Variants in SLC39A11 observed in about 807,000 individuals in gnomAD.
SLC39A11 encodes solute carrier family 39 member 11.
A neutral mutation model predicts 36.1 loss-of-function variants in SLC39A11; 33 were observed. That is an observed-to-expected ratio of 0.91 (90% CI 0.69 to 1.22). The LOEUF (loss-of-function observed/expected upper bound fraction) is 1.22, where lower values mean the gene tolerates loss of function less well. Ranked by LOEUF, SLC39A11 falls within the 50% of genes most tolerant of loss-of-function variation. SLC39A11 has a pLI of 0.00. For synonymous variants in SLC39A11, 166 were observed against 170.3 expected (o/e 0.97, Z 0.20); for missense variants, 432 against 430.3 (o/e 1.00, Z -0.03).
At chr17:72,860,069 AAC>A (rs2079893526) in intron 5 of SLC39A11, among the ~76,000 whole-genome samples, 1 of 150,098 alleles carries the variant, frequency 6.7e-6, no homozygotes, top group Non-Finnish European at 1.5e-5. Flanking sequence ...AAAGAAAGAG[AAC>A]ACAAATCAAA....
At chr17:72,855,625 G>C (rs369714402) in intron 5 of SLC39A11, among the ~76,000 whole-genome samples, 1 of 152,178 alleles carries the variant, frequency 6.6e-6, no homozygotes, top group South Asian at 2.1e-4. Flanking sequence ...GGCCGGGTGC[G>C]GTGGCTCACG....
chr17:72,750,263 C>T (rs1228169174), intron 6 of SLC39A11, among the ~76,000 whole-genome samples: 2 of 152,094 alleles, frequency 1.3e-5, no homozygotes, highest in African/African-American at 2.4e-5. Context: ...AGTCTGGGTC[C>T]CAGGTTGGAC....
intron 6 of SLC39A11, among the ~76,000 whole-genome samples, chr17:72,801,527 G>A (rs1053212013): frequency 1.6e-4 from 25 of 152,162 alleles, no homozygotes; most frequent in African/African-American, 5.1e-4. Context: ...GCGCCCAGCC[G>A]GGCAATGAAA....
intron 7 of SLC39A11, among the ~76,000 whole-genome samples, chr17:72,709,771 C>T (rs1420031527): frequency 1.3e-5 from 2 of 152,166 alleles, no homozygotes; most frequent in Admixed American, 1.3e-4. Context: ...TGCTGATCAA[C>T]CTGAACTTAA....
intron 4 of SLC39A11, among the ~76,000 whole-genome samples, chr17:72,987,088 C>T (rs1166231647): frequency 1.3e-5 from 2 of 152,152 alleles, no homozygotes; most frequent in East Asian, 1.9e-4. Flanking sequence ...CAGTAATGTG[C>T]GAGTTCTCAC....
In SLC39A11 at chr17:72,971,676, C is replaced by T. The variant is rs549268187; in HGVS notation, c.307-23801G>A. On this transcript the variant is annotated intron_variant, in intron 4 of 9. Coordinates refer to ENST00000255559, the MANE Select transcript of SLC39A11 (RefSeq NM_139177.4). ...CCTGGCTGTCCCAGCTGGGGCCGGG[C>T]CGCCCCCCAGGAGGACTACCAAACT... Among the ~76,000 whole-genome samples the T allele has an allele frequency of 1.2e-4, 19 of 152,308 alleles. No individual in the cohort carries two copies. In the East Asian group the frequency reaches 3.5e-3, roughly 28 times the overall value.
chr17:72,648,808 C>T lies in SLC39A11; in HGVS notation c.924G>A (p.Gln308=). ...GGGAGGGAAGGTTCTCCAACCTGAT[C>T]TGGGCTTCGGGGATGATGTCGTCCA... ...VVMDDIIPEA[Q]ISGNGKLASW... is the part of the protein sequence containing the mutation. Residue 308 remains glutamine (Q), a synonymous_variant, in exon 9 of 10, where the codon CAG becomes CAA. Transcript: ENST00000255559. The T allele has an allele frequency of 6.2e-7, 1 of 1,614,184 alleles. No homozygotes were observed. The highest frequency in any genetic ancestry group is 8.5e-7 in the Non-Finnish European group (1 of 1,180,036).
chr17:72,689,933 T>G (rs192620691), intron 7 of SLC39A11, among the ~76,000 whole-genome samples: 191 of 152,314 alleles, frequency 1.3e-3, no homozygotes, highest in African/African-American at 4.2e-3. Context: ...AGTGGCTAAT[T>G]TTACATTATG....
At chr17:72,910,215 A>G (rs1262125055) in intron 5 of SLC39A11, among the ~76,000 whole-genome samples, 1 of 152,172 alleles carries the variant, frequency 6.6e-6, no homozygotes, top group Non-Finnish European at 1.5e-5. Context: ...TACGCTCCCT[A>G]TCTGGGTGGT....
chr17:72,968,252 G>A (rs1349578980), intron 4 of SLC39A11, among the ~76,000 whole-genome samples: 1 of 152,190 alleles, frequency 6.6e-6, no homozygotes, highest in Non-Finnish European at 1.5e-5. Context: ...CATCTGCGAG[G>A]TAACTATGGA....
At chr17:73,007,725 A>G (rs1006764383) in intron 4 of SLC39A11, among the ~76,000 whole-genome samples, 6 of 152,208 alleles carry the variant, frequency 3.9e-5, no homozygotes, top group African/African-American at 1.4e-4. Context: ...ACGAAGTCCA[A>G]GCTAAAGGGA....
chr17:72,957,597 T>A (rs1302909650), intron 4 of SLC39A11, among the ~76,000 whole-genome samples: 1 of 152,216 alleles, frequency 6.6e-6, no homozygotes, highest in African/African-American at 2.4e-5. Context: ...GGCAGATGGA[T>A]CGCCTCAGGT....
intron 7 of SLC39A11, among the ~76,000 whole-genome samples, chr17:72,729,457 A>ATTTTTT (rs55729197): frequency 2.8e-4 from 2 of 7,238 alleles, no homozygotes. Context: ...ATATATATAT[A>ATTTTTT]TTTTTTTTTT....
chr17:72,865,644 G>C (rs2146291407), intron 5 of SLC39A11, among the ~76,000 whole-genome samples: 1 of 152,084 alleles, frequency 6.6e-6, no homozygotes, highest in African/African-American at 2.4e-5. Flanking sequence ...GCAGCCACCA[G>C]AGAAGGACTG....
At chr17:72,779,761 C>G (rs1428631711) in intron 6 of SLC39A11, among the ~76,000 whole-genome samples, 2 of 152,246 alleles carry the variant, frequency 1.3e-5, no homozygotes, top group Non-Finnish European at 2.9e-5. Context: ...GACTTCTCAG[C>G]TGCACCTACA....
intron 3 of SLC39A11, among the ~76,000 whole-genome samples, chr17:73,078,641 C>A (rs1568237748): frequency 6.6e-6 from 1 of 152,014 alleles, no homozygotes; most frequent in Non-Finnish European, 1.5e-5. Flanking sequence ...TGCCCGCCAC[C>A]ATGCCTGGCT....
At chr17:72,892,409 CAA>C (rs565811065) in intron 5 of SLC39A11, among the ~76,000 whole-genome samples, 16 of 65,702 alleles carry the variant, frequency 2.4e-4, no homozygotes, top group East Asian at 5.1e-4. Context: ...GACTCCATCT[CAA>C]AAAAAAAAAA....
At chr17:72,790,078 A>T (rs557709297) in intron 6 of SLC39A11, among the ~76,000 whole-genome samples, 2 of 152,366 alleles carry the variant, frequency 1.3e-5, no homozygotes, top group East Asian at 3.9e-4. Flanking sequence ...GAGGCTACTT[A>T]TCTGCTGCCA....
At chr17:73,042,750 C>T (rs36088096) in intron 3 of SLC39A11, among the ~76,000 whole-genome samples, 18,771 of 152,044 alleles carry the variant, frequency 0.12, 1,383 homozygotes, top group Middle Eastern at 0.18. Context: ...TGCAGTGAGC[C>T]GAGAACACGC....
Sources: gnomAD v4.1 joint callset for allele counts (sites outside exome capture counted in the v4.1 genomes callset) on GRCh38, gnomAD v4.1.1 for gene constraint, MANE v1.5 for transcripts, NCBI Gene and HGNC (gene_info 2026-07-23, HGNC 2026-07-21) for gene names.